SLC25A15: variants seen among roughly 807,000 people sequenced by gnomAD.
SLC25A15 encodes mitochondrial ornithine transporter 1.
In SLC25A15, 24 loss-of-function variants were observed where a neutral mutation model predicts 32.3. That is an observed-to-expected ratio of 0.74 (90% CI 0.54 to 1.04). SLC25A15 has a LOEUF of 1.04. Ranked by LOEUF, SLC25A15 falls within the 50% of genes least tolerant of loss-of-function variation. The probability of loss-of-function intolerance (pLI) is 0.00; values close to 1 mark genes in which losing one functional copy is unlikely to be tolerated. For synonymous variants in SLC25A15, 132 were observed against 142.1 expected, an observed-to-expected ratio of 0.93 and a Z score of 0.51; for missense variants, 317 against 374.5, an observed-to-expected ratio of 0.85 and a Z score of 1.27.
intron 1 of SLC25A15, among the ~76,000 whole-genome samples, chr13:40,790,811 T>C (rs111772745): frequency 0.015 from 2,318 of 152,280 alleles, 28 homozygotes; most frequent in African/African-American, 0.035. Flanking sequence ...GGTCTCGAAC[T>C]CCCGACCTCA....
At position 40,793,225 on chromosome 13, in the gene SLC25A15, A is replaced by T. The variant is rs1181692514; in HGVS notation, c.-2A>T. ...ACAAGACCAGCAGAAGAGTGGGCAA[A>T]CATGAAATCCAATCCTGCTATCCAG... On this transcript the variant is annotated 5_prime_UTR_variant, in exon 2 of 7. Transcript: ENST00000338625. The T allele has an allele frequency of 1.2e-6, 2 of 1,613,980 alleles. No individual in the cohort carries two copies. Among genetic ancestry groups the T allele is most frequent in the Non-Finnish European group, 1.7e-6 (2 of 1,179,994 alleles).
intron 3 of SLC25A15, among the ~76,000 whole-genome samples, chr13:40,801,523 T>A (rs756211730): frequency 2.0e-5 from 3 of 152,174 alleles, no homozygotes; most frequent in Admixed American, 6.5e-5. Flanking sequence ...GCTAAGGACT[T>A]GAAATTGTGT....
In SLC25A15 at chr13:40,809,942, G is replaced by GCTTTT; in HGVS notation, c.*275_*276insCTTTT. The GCTTTT allele has an allele frequency of 2.3e-6, 1 of 444,428 alleles. No individual in the cohort carries two copies. The highest frequency in any genetic ancestry group is 2.2e-5 in the South Asian group (1 of 46,450). 27.5% of individuals were successfully genotyped at this position (444,428 alleles called of 1,614,324 possible). ...TAGCCTTATGCACCTAATTCAAAAG[G>GCTTTT]TGGAATATAGTTCTGTCAGGGCTTT... is the stretch of plus-strand genomic sequence containing the variant. On this transcript the variant is annotated 3_prime_UTR_variant, in exon 7 of 7. Transcript: ENST00000338625.
At position 40,809,860 on chromosome 13, in the gene SLC25A15, T is replaced by A; in HGVS notation, c.*193T>A. 1.6e-6 allele frequency: 1 copy of A among 613,276 alleles called. No homozygotes were observed. Among genetic ancestry groups the A allele is most frequent in the South Asian group, 1.9e-5 (1 of 52,122 alleles). The allele number at this position is 613,276 out of a possible 1,614,324, so 38.0% of individuals were successfully genotyped here. A position where few individuals can be genotyped will look rare whatever the true frequency, so the allele number is the denominator to read the frequency against. On this transcript the variant is annotated 3_prime_UTR_variant, in exon 7 of 7. Coordinates refer to ENST00000338625, the MANE Select transcript of SLC25A15 (RefSeq NM_014252.4). ...TGCATCATATCATTTCTGTCCATAA[T>A]TGTACTGAAATAGAAAAGTGACCGC...
At chr13:40,798,255 G>C (rs1051429170) in intron 2 of SLC25A15, among the ~76,000 whole-genome samples, 2 of 149,912 alleles carry the variant, frequency 1.3e-5, no homozygotes, top group African/African-American at 2.5e-5. Flanking sequence ...ACTCCAGCCT[G>C]GGTGACAGAG....
At chr13:40,799,976 C>T (rs1881817002) in intron 3 of SLC25A15, among the ~76,000 whole-genome samples, 2 of 152,166 alleles carry the variant, frequency 1.3e-5, no homozygotes, top group Non-Finnish European at 2.9e-5. Context: ...GTTGGTCTTG[C>T]CTTGGGTATT....
Position 40,789,632 on chromosome 13 carries a change from C to G in SLC25A15, c.-101C>G, listed in dbSNP as rs886050239. The G allele has an allele frequency of 7.3e-5, 11 of 150,940 alleles. No individual in the cohort carries two copies. The highest frequency in any genetic ancestry group is 4.4e-5 in the Non-Finnish European group (3 of 67,572). 9.4% of individuals were successfully genotyped at this position (150,940 alleles called of 1,614,324 possible). A position where few individuals can be genotyped will look rare whatever the true frequency, so the allele number is the denominator to read the frequency against. On this transcript the variant is annotated 5_prime_UTR_variant, in exon 1 of 7. Transcript: ENST00000338625. ...CCGGAGCCGAGAGCGGGCGGCGGAG[C>G]CTGAGCTGGACGCGGCCACGCCGGC...
At chr13:40,803,143 C>T (rs565798513) in intron 3 of SLC25A15, among the ~76,000 whole-genome samples, 2 of 152,204 alleles carry the variant, frequency 1.3e-5, no homozygotes, top group South Asian at 4.2e-4. Flanking sequence ...AAGGGATCTT[C>T]TATCCCAACT....
intron 1 of SLC25A15, among the ~76,000 whole-genome samples, chr13:40,792,482 T>C (rs1566119128): frequency 6.6e-6 from 1 of 152,216 alleles, no homozygotes; most frequent in Non-Finnish European, 1.5e-5. Flanking sequence ...GACGGGAAGA[T>C]GTGTGTGACA....
Position 40,809,814 on chromosome 13 carries a change from T to C in SLC25A15, c.*147T>C. 3 of 759,130 alleles carry C rather than the reference T, an allele frequency of 4.0e-6. No homozygotes were observed. The highest frequency in any genetic ancestry group is 6.7e-6 in the Non-Finnish European group (3 of 448,908). The allele number at this position is 759,130 out of a possible 1,614,324, so 47.0% of individuals were successfully genotyped here. On this transcript the variant is annotated 3_prime_UTR_variant, in exon 7 of 7. Transcript: ENST00000338625. ...TTCCCTTCTACCCTACATCTTAAAC[T>C]TTATGGAAGAACCTCTATTTTGCAT...
At chr13:40,799,463 C>A in intron 3 of SLC25A15, 148 bp downstream of exon 3, 1 of 901,534 alleles carries the variant, frequency 1.1e-6, no homozygotes, top group Non-Finnish European at 1.8e-6. Context: ...CCAGCCTGGG[C>A]AACACAGCAA....
chr13:40,799,326 G>T lies in SLC25A15; in HGVS notation c.314+11G>T. On this transcript the variant is annotated intron_variant, in intron 3 of 6. Coordinates refer to ENST00000338625, the MANE Select transcript of SLC25A15 (RefSeq NM_014252.4). ...GCAGGCAAAGCTGAGGTGAGTCAAG[G>T]ACACACACTTTTTTTATTTGTTTAA... The T allele has an allele frequency of 6.2e-7, 1 of 1,614,030 alleles. No individual in the cohort carries two copies. The highest frequency in any genetic ancestry group is 8.5e-7 in the Non-Finnish European group (1 of 1,180,008).
Position 40,810,022 on chromosome 13 carries a change from A to AC in SLC25A15, c.*356dup. 1 of 315,676 alleles carries AC rather than the reference A, an allele frequency of 3.2e-6. No homozygotes were observed. Among genetic ancestry groups the AC allele is most frequent in the Non-Finnish European group, 6.1e-6 (1 of 163,878 alleles). The allele number at this position is 315,676 out of a possible 1,614,324, so 19.6% of individuals were successfully genotyped here. On this transcript the variant is annotated 3_prime_UTR_variant, in exon 7 of 7. Coordinates refer to ENST00000338625, the MANE Select transcript of SLC25A15 (RefSeq NM_014252.4). ...TGGACAGTTATGTGTTGAGGGAAAT[A>AC]CAGTTTGGTACCTTGTTTATTTCAA...
At chr13:40,796,129 C>A (rs1044006902) in intron 2 of SLC25A15, among the ~76,000 whole-genome samples, 7 of 152,166 alleles carry the variant, frequency 4.6e-5, no homozygotes, top group Non-Finnish European at 1.0e-4. Flanking sequence ...AGAGGTCACC[C>A]ACGGAAGCGA....
At chr13:40,791,861 G>A (rs781165842) in intron 1 of SLC25A15, among the ~76,000 whole-genome samples, 3 of 152,118 alleles carry the variant, frequency 2.0e-5, no homozygotes, top group South Asian at 2.1e-4. Flanking sequence ...AAGTCTCGTC[G>A]TTGGCAAGAT....
chr13:40,792,636 A>C (rs1881552259), intron 1 of SLC25A15, among the ~76,000 whole-genome samples: 1 of 152,220 alleles, frequency 6.6e-6, no homozygotes, highest in Non-Finnish European at 1.5e-5. Context: ...GAGGACTCCC[A>C]GCTGTAGAGG....
chr13:40,802,635 G>T (rs1237634601), intron 3 of SLC25A15, among the ~76,000 whole-genome samples: 4 of 151,438 alleles, frequency 2.6e-5, no homozygotes, highest in African/African-American at 9.7e-5. Flanking sequence ...GAGTGCAGTG[G>T]CGCAATCTTA....
intron 4 of SLC25A15, 152 bp from the exon 5 acceptor site, chr13:40,807,142 G>A: frequency 1.3e-6 from 1 of 768,500 alleles, no homozygotes; most frequent in South Asian, 1.4e-5. Context: ...ACAGAAGGAT[G>A]CCGTTGAGTC....
At chr13:40,808,851 C>T (rs1262455132) in intron 6 of SLC25A15, among the ~76,000 whole-genome samples, 2 of 147,014 alleles carry the variant, frequency 1.4e-5, no homozygotes, top group African/African-American at 2.6e-5. Context: ...AGGAGAATGG[C>T]GTCAACCTGG....
Sources: allele counts gnomAD v4.1 joint callset (sites outside exome capture counted in the v4.1 genomes callset), GRCh38; gene constraint gnomAD v4.1.1; transcripts MANE v1.5; gene names NCBI Gene and HGNC (gene_info 2026-07-23, HGNC 2026-07-21).